ARRDC5: variants seen among roughly 807,000 people sequenced by gnomAD.
The protein encoded by ARRDC5 is arrestin domain-containing protein 5.
Under a neutral mutation model 13.3 loss-of-function variants are expected in ARRDC5, and 12 were observed. That is an observed-to-expected ratio of 0.90 (90% CI 0.58 to 1.46). ARRDC5 has a LOEUF of 1.46. Ranked by LOEUF, ARRDC5 falls within the 40% of genes most tolerant of loss-of-function variation. The pLI, the probability that ARRDC5 is intolerant of heterozygous loss-of-function variation, is 0.00. For missense variants in ARRDC5, 406 were observed against 418.7 expected (o/e 0.97, Z 0.26); for synonymous variants, 181 against 173.4 (o/e 1.04, Z -0.34).
the ARRDC5 span, chr19:4,910,402 G>C: frequency 6.6e-6 from 1 of 152,208 alleles, no homozygotes; most frequent in South Asian, 2.1e-4. Context: ...GCGGATCTCG[G>C]GTGGGGTTTT....
chr19:4,906,556 C>T (rs2032068158), upstream of ARRDC5, among the ~76,000 whole-genome samples: 1 of 152,122 alleles, frequency 6.6e-6, no homozygotes, highest in Non-Finnish European at 1.5e-5. Context: ...GAGTTTGAGA[C>T]CAGCCTGGCC....
At chr19:4,900,785 C>G (rs1199534395) in intron 1 of ARRDC5, among the ~76,000 whole-genome samples, 1 of 152,014 alleles carries the variant, frequency 6.6e-6, no homozygotes, top group Admixed American at 6.6e-5. Flanking sequence ...TTTGGGAGGC[C>G]AAGGTGGGCG....
intron 2 of ARRDC5, among the ~76,000 whole-genome samples, chr19:4,896,245 G>A (rs1471202108): frequency 7.1e-6 from 1 of 140,596 alleles, no homozygotes; most frequent in Non-Finnish European, 1.6e-5. Flanking sequence ...AACCTGGGAG[G>A]CGGAGGTTAC....
At position 4,891,584 on chromosome 19, in the gene ARRDC5, G is replaced by T; in HGVS notation, c.460-11C>A. ...CACGAACAAGGGGTTCTAGGAGGAT[G>T]TGGGGGAACAGACAACCGTGAGGGA... On this transcript the variant is annotated splice_polypyrimidine_tract_variant and intron_variant, in intron 2 of 2. Transcript: ENST00000650722. 6.2e-7 allele frequency: 1 copy of T among 1,602,982 alleles called. No individual in the cohort carries two copies. The highest frequency in any genetic ancestry group is 8.5e-7 in the Non-Finnish European group (1 of 1,174,334).
chr19:4,896,329 A>AAAATATAT (rs1371235915), intron 2 of ARRDC5, among the ~76,000 whole-genome samples: 10 of 73,348 alleles, frequency 1.4e-4, no homozygotes, highest in African/African-American at 5.2e-4. Flanking sequence ...AAAAAAAAAA[A>AAAATATAT]ATATATATAT....
chr19:4,912,030 T>C, the ARRDC5 span, among the ~76,000 whole-genome samples: 2 of 152,200 alleles, frequency 1.3e-5, no homozygotes, highest in Non-Finnish European at 2.9e-5. Flanking sequence ...GGGAGGATCA[T>C]GCCTGCTCAC....
rs1187326320 is a variant in ARRDC5 at position 4,891,583 on chromosome 19, T to C, written c.460-10A>G. On this transcript the variant is annotated splice_polypyrimidine_tract_variant and intron_variant, in intron 2 of 2. Transcript: ENST00000650722. ...CCACGAACAAGGGGTTCTAGGAGGATGTGGGGGAACAGACAACCGTGAGGG... is the reference window on the plus strand; with the variant it reads ...CCACGAACAAGGGGTTCTAGGAGGACGTGGGGGAACAGACAACCGTGAGGG... 6.2e-7 allele frequency: 1 copy of C among 1,604,086 alleles called. No individual in the cohort carries two copies. The highest frequency in any genetic ancestry group is 8.5e-7 in the Non-Finnish European group (1 of 1,174,918).
upstream of ARRDC5, among the ~76,000 whole-genome samples, chr19:4,907,350 A>C (rs924366821): frequency 2.6e-5 from 4 of 151,800 alleles, no homozygotes; most frequent in Non-Finnish European, 5.9e-5. Context: ...GCTCACTGGA[A>C]CCTCCGCTTC....
chr19:4,907,963 C>T, the ARRDC5 span, among the ~76,000 whole-genome samples: 3 of 152,024 alleles, frequency 2.0e-5, no homozygotes, highest in African/African-American at 4.8e-5. Flanking sequence ...CTGCCTGCCT[C>T]GGCCTCCCAA....
At chr19:4,909,258 G>A in the ARRDC5 span, 2 of 522,586 alleles carry the variant, frequency 3.8e-6, no homozygotes, top group South Asian at 2.5e-5. Context: ...CCACGTGCGG[G>A]GGGTGACCAG....
rs1039157516 is a variant in ARRDC5, at chr19:4,895,422, CAAAAAAAAA to C, written c.459+1240_459+1248del. Among the ~76,000 whole-genome samples, 8 of 70,712 alleles carry C rather than the reference CAAAAAAAAA, an allele frequency of 1.1e-4. 1 individual carries two copies. The highest frequency in any genetic ancestry group is 7.2e-4 in the East Asian group (1 of 1,384). 46.4% of individuals were successfully genotyped at this position (70,712 alleles called of 152,430 possible). On this transcript the variant is annotated intron_variant, in intron 2 of 2. Coordinates refer to ENST00000650722, the MANE Select transcript of ARRDC5 (RefSeq NM_001080523.3). ...TGGGTGACAAAGTGAGACTCCGTCT[CAAAAAAAAA>C]AAAAAAAAAAAAAAAAGAAAGAAAG...
At position 4,891,072 on chromosome 19, in the gene ARRDC5, G is replaced by A; in HGVS notation, c.961C>T (p.Pro321Ser). ...ICQLSEDGVL[P>S]VNPDHQN ...TAATTCTGGTGATCTGGGTTCACGG[G>A]TAACACTCCGTCCTCTGACAGCTGG... The change falls in exon 3 of 3, where the codon CCC (proline) becomes TCC (serine). Residue 321 changes from proline to serine, a missense_variant. Pro to Ser is a moderately conservative substitution (Grantham distance 74). Transcript: ENST00000650722. The A allele has an allele frequency of 6.2e-7, 1 of 1,613,304 alleles. No homozygotes were observed. Among genetic ancestry groups the A allele is most frequent in the Non-Finnish European group, 8.5e-7 (1 of 1,179,592 alleles).
At chr19:4,913,807 CTTTTTTT>C in the ARRDC5 span, among the ~76,000 whole-genome samples, 3 of 110,154 alleles carry the variant, frequency 2.7e-5, no homozygotes, top group Non-Finnish European at 5.2e-5. Context: ...CATGCAGTAG[CTTTTTTT>C]TTTTTTTTTT....
upstream of ARRDC5, among the ~76,000 whole-genome samples, chr19:4,906,998 C>T (rs1297452267): frequency 6.6e-6 from 1 of 152,166 alleles, no homozygotes; most frequent in Non-Finnish European, 1.5e-5. Flanking sequence ...TAGCGTTGAT[C>T]GTGTACTGAG....
the ARRDC5 span, among the ~76,000 whole-genome samples, chr19:4,915,727 AAAAAC>A: frequency 6.6e-6 from 1 of 152,198 alleles, no homozygotes; most frequent in African/African-American, 2.4e-5. Flanking sequence ...AAGCAAAACA[AAAAAC>A]AAAACCAAAA....
At chr19:4,909,302 C>G in the ARRDC5 span, 30 of 543,528 alleles carry the variant, frequency 5.5e-5, no homozygotes, top group Admixed American at 1.6e-4. Flanking sequence ...ACGCTGGGCG[C>G]GCCCAGCAGA....
chr19:4,915,159 T>C, the ARRDC5 span, among the ~76,000 whole-genome samples: 2 of 152,212 alleles, frequency 1.3e-5, no homozygotes, highest in Non-Finnish European at 2.9e-5. Context: ...GGAATGGCCT[T>C]GCAAGAGTCA....
the ARRDC5 span, among the ~76,000 whole-genome samples, chr19:4,914,409 C>T: frequency 8.0e-4 from 122 of 152,104 alleles, no homozygotes; most frequent in Non-Finnish European, 1.3e-3. Flanking sequence ...TTTTTTTTCC[C>T]TGTTTAAAGA....
the ARRDC5 span, chr19:4,909,612 G>C: frequency 1.6e-6 from 1 of 629,618 alleles, no homozygotes; most frequent in Non-Finnish European, 2.8e-6. Flanking sequence ...TCCCCAGCCG[G>C]GCCACGCGCG....
Sources: gnomAD v4.1 joint callset for allele counts (sites outside exome capture counted in the v4.1 genomes callset) on GRCh38, gnomAD v4.1.1 for gene constraint, MANE v1.5 for transcripts, NCBI Gene and HGNC (gene_info 2026-07-23, HGNC 2026-07-21) for gene names.